The following ADHFE1 variants were observed in gnomAD, a reference collection of about 807,000 sequenced individuals.
ADHFE1 encodes alcohol dehydrogenase iron containing 1, also known as hydroxyacid-oxoacid transhydrogenase, mitochondrial.
In ADHFE1, 37 loss-of-function variants were observed where a neutral mutation model predicts 54.8. That is an observed-to-expected ratio of 0.68 (90% CI 0.52 to 0.89). The LOEUF is 0.89. ADHFE1 is among the 40% of genes least tolerant of loss of function. The pLI is 0.00. For synonymous variants in ADHFE1, 203 were observed against 229.3 expected (o/e 0.89, Z 1.04); for missense variants, 601 against 591.2 (o/e 1.02, Z -0.17).
At chr8:66,440,934 G>C (rs1805714684) in intron 2 of ADHFE1, among the ~76,000 whole-genome samples, 1 of 152,160 alleles carries the variant, frequency 6.6e-6, no homozygotes, top group South Asian at 2.1e-4. Context: ...TTAGAACAGA[G>C]AGAGTAACTC....
At chr8:66,462,522 G>T (rs569161690) in intron 13 of ADHFE1, among the ~76,000 whole-genome samples, 2 of 152,266 alleles carry the variant, frequency 1.3e-5, no homozygotes, top group African/African-American at 4.8e-5. Flanking sequence ...AAAGTCCTAG[G>T]GTTATAGATA....
At position 66,465,760 on chromosome 8, in the gene ADHFE1, C is replaced by T. The variant is rs147729318; in HGVS notation, c.1321-2509C>T. Reference sequence around the variant, plus strand: ...GACTACAGGCGTGCACCACCACACCCGGCTAATTTTTGTATTTTTAGTAGA... The same window carrying T: ...GACTACAGGCGTGCACCACCACACCTGGCTAATTTTTGTATTTTTAGTAGA... On this transcript the variant is annotated intron_variant, in intron 13 of 13. Transcript: ENST00000396623. 5.8e-3 allele frequency among the ~76,000 whole-genome samples: 877 copies of T among 151,886 alleles called. 3 individuals are homozygous for T. Among genetic ancestry groups the T allele is most frequent in the Non-Finnish European group, 0.01 (688 of 67,936 alleles).
At chr8:66,452,950 G>A (rs1806376059) in intron 9 of ADHFE1, among the ~76,000 whole-genome samples, 1 of 152,360 alleles carries the variant, frequency 6.6e-6, no homozygotes, top group East Asian at 1.9e-4. Context: ...ACGTGAGCAC[G>A]GTGCTTCCTC....
intron 13 of ADHFE1, among the ~76,000 whole-genome samples, chr8:66,464,317 G>A (rs1054310651): frequency 6.6e-6 from 1 of 152,166 alleles, no homozygotes; most frequent in Non-Finnish European, 1.5e-5. Context: ...CTGGGGGCCA[G>A]AAACGCGAAA....
chr8:66,468,123 ATG>A, intron 13 of ADHFE1, 144 bp from the exon 14 acceptor site: 1 of 558,966 alleles, frequency 1.8e-6, no homozygotes, highest in Non-Finnish European at 3.2e-6. Flanking sequence ...ATCAACTCAT[ATG>A]AAGTATACAA....
Position 66,445,195 on chromosome 8 carries a change from G to T in ADHFE1, c.354-23G>T, listed in dbSNP as rs760119071. Reference sequence around the variant, plus strand: ...TATTTCTGAAAAATATAACATACTGGTTTTTATTTTCTCTTCTCCAAGCTT... The same window carrying T: ...TATTTCTGAAAAATATAACATACTGTTTTTTATTTTCTCTTCTCCAAGCTT... On this transcript the variant is annotated intron_variant, in intron 5 of 13. Coordinates refer to ENST00000396623, the MANE Select transcript of ADHFE1 (RefSeq NM_144650.3). 32 of 1,576,334 alleles carry T rather than the reference G, an allele frequency of 2.0e-5. No homozygotes were observed. In the South Asian group the frequency reaches 2.7e-4, roughly 13 times the overall value.
In ADHFE1 at chr8:66,454,067, G is replaced by T; in HGVS notation, c.896G>T (p.Arg299Ile). 6.2e-7 allele frequency: 1 copy of T among 1,614,026 alleles called. No homozygotes were observed. The highest frequency in any genetic ancestry group is 1.1e-5 in the South Asian group (1 of 91,040). ...IVAKYLKRAVRNPDDLEARSH... is the reference protein window; with the variant it reads ...IVAKYLKRAVINPDDLEARSH... ...ATTTATATCATTCACAGGGCTGTCA[G>T]AAATCCCGATGATCTTGAAGCAAGG... Residue 299 changes from arginine (R) to isoleucine (I), a missense_variant, in exon 10 of 14, where the codon AGA becomes ATA. Arg to Ile is a moderately conservative substitution (Grantham distance 97). Transcript: ENST00000396623.
chr8:66,451,052 A>G (rs904150116), intron 8 of ADHFE1, among the ~76,000 whole-genome samples: 3 of 152,238 alleles, frequency 2.0e-5, no homozygotes, highest in Admixed American at 2.0e-4. Flanking sequence ...AGAGGCCCCC[A>G]TGGGGAATTA....
chr8:66,441,818 A>T (rs1213904977), intron 2 of ADHFE1, among the ~76,000 whole-genome samples: 2 of 151,998 alleles, frequency 1.3e-5, no homozygotes, highest in African/African-American at 4.8e-5. Flanking sequence ...CTAAAAATAC[A>T]AAAATTAGCC....
At position 66,441,944 on chromosome 8, in the gene ADHFE1, C is replaced by A. The variant is rs577148432; in HGVS notation, c.98-854C>A. Among the ~76,000 whole-genome samples, 206 of 151,526 alleles carry A rather than the reference C, an allele frequency of 1.4e-3. 2 individuals carry two copies. The highest frequency in any genetic ancestry group is 1.8e-4 in the Non-Finnish European group (12 of 67,926). On this transcript the variant is annotated intron_variant, in intron 2 of 13. Coordinates refer to ENST00000396623, the MANE Select transcript of ADHFE1 (RefSeq NM_144650.3). ...CCGAGATCCCACCACTGCACTCTAG[C>A]CTGGGTGACAGAGCAAAACTCCATC...
intron 3 of ADHFE1, among the ~76,000 whole-genome samples, chr8:66,444,032 A>C (rs747096898): frequency 6.6e-5 from 10 of 152,186 alleles, no homozygotes; most frequent in Non-Finnish European, 1.5e-4. Flanking sequence ...CAGGTATGCA[A>C]GGGTGGGTGG....
intron 6 of ADHFE1, among the ~76,000 whole-genome samples, chr8:66,445,687 A>G (rs984956467): frequency 1.3e-5 from 2 of 152,266 alleles, no homozygotes; most frequent in African/African-American, 4.8e-5. Flanking sequence ...TCACTGACAT[A>G]TGATGAGATC....
Position 66,439,543 on chromosome 8 carries a change from G to A in ADHFE1, c.60-619G>A. On this transcript the variant is annotated intron_variant, in intron 1 of 13. Coordinates refer to ENST00000396623, the MANE Select transcript of ADHFE1 (RefSeq NM_144650.3). The surrounding 1 kb of genome is among the most constrained non-coding windows in gnomAD (Gnocchi z 4.4). ...GTGGCGACCTCGGAGCGCACCGGGTGTGCGCGCAGCTGGGGCCTCTGGGGA... is the reference window on the plus strand; with the variant it reads ...GTGGCGACCTCGGAGCGCACCGGGTATGCGCGCAGCTGGGGCCTCTGGGGA... The A allele has an allele frequency of 4.1e-6, 4 of 985,816 alleles. No individual in the cohort carries two copies. Among genetic ancestry groups the A allele is most frequent in the Non-Finnish European group, 4.8e-6 (4 of 830,200 alleles). 61.1% of individuals were successfully genotyped at this position (985,816 alleles called of 1,614,324 possible).
In ADHFE1 at chr8:66,460,581, G is replaced by C. The variant is rs58336876; in HGVS notation, c.1320+116G>C. 3.9e-6 allele frequency: 5 copies of C among 1,293,350 alleles called. No homozygotes were observed. In the East Asian group the frequency reaches 1.2e-4, roughly 32 times the overall value. 80.1% of individuals were successfully genotyped at this position (1,293,350 alleles called of 1,614,324 possible). ...AAACCAGGGCTCCCCGGTGGTTCTC[G>C]GGTCTCCTCCACAGCAGACAGCAGT... On this transcript the variant is annotated intron_variant, in intron 13 of 13. Coordinates refer to ENST00000396623, the MANE Select transcript of ADHFE1 (RefSeq NM_144650.3).
chr8:66,453,680 G>A (rs753355379), intron 9 of ADHFE1: 2 of 1,367,106 alleles, frequency 1.5e-6, no homozygotes, highest in East Asian at 9.1e-5. Flanking sequence ...GTAGCCCCGG[G>A]CATCTGAGAA....
In ADHFE1 at chr8:66,454,050, C is replaced by A; in HGVS notation, c.888-9C>A. ...ATGTGTTATTGTTAGGTATTTATAT[C>A]ATTCACAGGGCTGTCAGAAATCCCG... is the stretch of plus-strand genomic sequence containing the variant. On this transcript the variant is annotated splice_polypyrimidine_tract_variant and intron_variant, in intron 9 of 13. Transcript: ENST00000396623. 1 of 1,613,442 alleles carries A rather than the reference C, an allele frequency of 6.2e-7. No individual in the cohort carries two copies. Among genetic ancestry groups the A allele is most frequent in the Non-Finnish European group, 8.5e-7 (1 of 1,179,784 alleles).
chr8:66,454,240 A>T (rs1431039530), intron 10 of ADHFE1, 83 bp downstream of exon 10: 1 of 1,366,058 alleles, frequency 7.3e-7, no homozygotes, highest in Non-Finnish European at 1.0e-6. Flanking sequence ...GACAGGTGGT[A>T]AAATTTAAAT....
At chr8:66,442,634 C>G (rs1805818559) in intron 2 of ADHFE1, among the ~76,000 whole-genome samples, 164 bp from the exon 3 acceptor site, 1 of 152,116 alleles carries the variant, frequency 6.6e-6, no homozygotes, top group Non-Finnish European at 1.5e-5. Context: ...TCTTAAAATA[C>G]AGGTATTGAT....
intron 5 of ADHFE1, 91 bp downstream of exon 5, chr8:66,444,839 G>C: frequency 6.7e-7 from 1 of 1,484,694 alleles, no homozygotes; most frequent in South Asian, 1.3e-5. Context: ...GGTGGCTCAC[G>C]CCTGTAATCC....
Sources: allele counts gnomAD v4.1 joint callset (sites outside exome capture counted in the v4.1 genomes callset), GRCh38; gene constraint gnomAD v4.1.1; non-coding constraint Gnocchi (gnomAD v3.1); transcripts MANE v1.5; gene names NCBI Gene and HGNC (gene_info 2026-07-23, HGNC 2026-07-21).